The following SLC3A1 variants were observed in gnomAD, a reference collection of about 807,000 sequenced individuals.
The protein encoded by SLC3A1 is amino acid transporter heavy chain SLC3A1.
In SLC3A1, 78 loss-of-function variants were observed where a neutral mutation model predicts 60.3. The ratio of observed to expected loss-of-function variants is 1.29; its 90% confidence interval spans 1.08 to 1.56. The LOEUF (loss-of-function observed/expected upper bound fraction) is 1.56. Among genes scored for constraint, SLC3A1 ranks in the 40% most tolerant of loss-of-function variants. The pLI is 0.00. For missense variants in SLC3A1, 1,172 were observed against 858.9 expected (o/e 1.36, Z -4.56); for synonymous variants, 392 against 307.9 (o/e 1.27, Z -2.86).
At chr2:44,315,466 T>C (rs186392474) in intron 9 of SLC3A1, among the ~76,000 whole-genome samples, 3 of 145,926 alleles carry the variant, frequency 2.1e-5, no homozygotes, top group Non-Finnish European at 4.5e-5. Context: ...CTAGGCAATA[T>C]AGTGAGACCT....
chr2:44,321,399 CT>C lies in SLC3A1; in HGVS notation c.*761del. 1 of 1,612,926 alleles carries C rather than the reference CT, an allele frequency of 6.2e-7. No individual in the cohort carries two copies. The highest frequency in any genetic ancestry group is 1.7e-5 in the Admixed American group (1 of 59,974). On this transcript the variant is annotated 3_prime_UTR_variant, in exon 10 of 10. Transcript: ENST00000260649. ...CTTAAGATCCTCGAAAACACTGGTG[CT>C]GTCAAGTCCAAGTTCCTCGTACAGG...
chr2:44,320,379 G>A lies in SLC3A1; in HGVS notation c.1798G>A (p.Gly600Arg). The change falls in exon 10 of 10, where the codon GGA (glycine) becomes AGA (arginine). Residue 600 changes from glycine (G) to arginine (R), a missense_variant. Physicochemically the swap from Gly to Arg is moderately radical, Grantham distance 125 (BLOSUM62 -2). Transcript: ENST00000260649. The stretch of plus-strand genomic sequence containing the variant: ...AATCTTTATCGTGGTTCTGAATTTT[G>A]GAGAATCAACACTGTTAAATCTACA... ...DRIFIVVLNF[G>R]ESTLLNLHNM... 6.2e-7 allele frequency: 1 copy of A among 1,614,066 alleles called. No individual in the cohort carries two copies.
chr2:44,300,185 A>C, intron 5 of SLC3A1, 95 bp downstream of exon 5: 1 of 1,313,340 alleles, frequency 7.6e-7, no homozygotes. Context: ...TACAAAGATG[A>C]GTTTTGTCCT....
chr2:44,275,900 C>T lies in SLC3A1; in HGVS notation c.365C>T (p.Pro122Leu), dbSNP rs767805074. Reference protein sequence around the residue: ...PKCLDWWQEGPMYQIYPRSFK... With the variant: ...PKCLDWWQEGLMYQIYPRSFK... ...TGCCTAGACTGGTGGCAGGAGGGGC[C>T]CATGTACCAGATCTACCCAAGGTCT... Residue 122 changes from proline (P) to leucine (L), a missense_variant, in exon 1 of 10, where the codon CCC (proline) becomes CTC (leucine). Physicochemically the swap from Pro to Leu is moderately conservative, Grantham distance 98. Transcript: ENST00000260649. 3.1e-6 allele frequency: 5 copies of T among 1,614,118 alleles called. No individual in the cohort carries two copies. Among genetic ancestry groups the T allele is most frequent in the East Asian group, 4.5e-5 (2 of 44,874 alleles).
intron 3 of SLC3A1, 56 bp from the exon 4 acceptor site, chr2:44,285,976 T>C: frequency 2.5e-6 from 4 of 1,606,998 alleles, no homozygotes; most frequent in Non-Finnish European, 2.6e-6. Flanking sequence ...CAATGATCTT[T>C]ATTTGTGGGC....
intron 4 of SLC3A1, among the ~76,000 whole-genome samples, chr2:44,298,958 A>AT (rs527690419): frequency 6.6e-6 from 1 of 151,046 alleles, no homozygotes; most frequent in African/African-American, 2.4e-5. Context: ...GAGAACCTGG[A>AT]TTTTTAGCTT....
chr2:44,276,070 T>A, intron 1 of SLC3A1, 105 bp downstream of exon 1: 1 of 1,009,252 alleles, frequency 9.9e-7, no homozygotes. Context: ...GTAAGCACAT[T>A]CCATTATGAC....
Position 44,286,079 on chromosome 2 carries a change from C to G in SLC3A1, c.813C>G (p.Asn271Lys). ...NSSWHFDEVR[N>K]QCYFHQFMKE... is the part of the protein sequence containing the mutation. Reference sequence around the variant, plus strand: ...GTTGGCACTTTGACGAAGTGCGAAACCAATGTTATTTTCATCAGTTTATGA... The same window carrying G: ...GTTGGCACTTTGACGAAGTGCGAAAGCAATGTTATTTTCATCAGTTTATGA... The change falls in exon 4 of 10, where the codon AAC (asparagine) becomes AAG (lysine). Residue 271 changes from asparagine (N) to lysine (K), a missense_variant. Asn to Lys is a moderately conservative substitution (Grantham distance 94). Coordinates refer to ENST00000260649, the MANE Select transcript of SLC3A1 (RefSeq NM_000341.4). 6.2e-7 allele frequency: 1 copy of G among 1,613,910 alleles called. No homozygotes were observed.
At chr2:44,278,233 A>G (rs1445815131) in intron 1 of SLC3A1, among the ~76,000 whole-genome samples, 1 of 151,982 alleles carries the variant, frequency 6.6e-6, no homozygotes, top group Non-Finnish European at 1.5e-5. Context: ...TCACGAGGTC[A>G]GGAGATTGAG....
chr2:44,293,093 A>G (rs1000484730), intron 4 of SLC3A1, among the ~76,000 whole-genome samples: 1 of 152,098 alleles, frequency 6.6e-6, no homozygotes, highest in African/African-American at 2.4e-5. Flanking sequence ...CCCAGGTTTC[A>G]GATTTGAATA....
chr2:44,307,509 G>T (rs1332252747), intron 7 of SLC3A1, among the ~76,000 whole-genome samples: 1 of 150,914 alleles, frequency 6.6e-6, no homozygotes, highest in Non-Finnish European at 1.5e-5. Flanking sequence ...CCTTGTGATG[G>T]TCTGCCTTTC....
intron 9 of SLC3A1, among the ~76,000 whole-genome samples, chr2:44,316,916 G>A (rs1276456454): frequency 6.6e-6 from 1 of 151,854 alleles, no homozygotes; most frequent in African/African-American, 2.4e-5. Flanking sequence ...ATGTATTAAA[G>A]AAGGAAAAGG....
intron 4 of SLC3A1, among the ~76,000 whole-genome samples, chr2:44,291,749 C>T (rs1671743503): frequency 6.6e-6 from 1 of 152,154 alleles, no homozygotes; most frequent in Non-Finnish European, 1.5e-5. Flanking sequence ...GACTTGCTTG[C>T]ATACCAACTT....
chr2:44,286,544 TGCG>T (rs1671616864), intron 4 of SLC3A1, among the ~76,000 whole-genome samples: 1 of 106,298 alleles, frequency 9.4e-6, no homozygotes. Flanking sequence ...CGGTGAGCTG[TGCG>T]GTGCCTGTGA....
intron 5 of SLC3A1, among the ~76,000 whole-genome samples, chr2:44,300,733 G>A (rs1005524285): frequency 2.0e-4 from 31 of 152,030 alleles, no homozygotes; most frequent in African/African-American, 6.0e-4. Context: ...TGACAATTAC[G>A]TGTTGAGAAC....
chr2:44,320,831 C>G lies in SLC3A1; in HGVS notation c.*192C>G. On this transcript the variant is annotated 3_prime_UTR_variant, in exon 10 of 10. Coordinates refer to ENST00000260649, the MANE Select transcript of SLC3A1 (RefSeq NM_000341.4). ...TAAAATGTTTAAAAGTAAATTATGG[C>G]TTATAGGAGCTTATAACTTTATTCA... 3.3e-6 allele frequency: 2 copies of G among 602,000 alleles called. No individual in the cohort carries two copies. The highest frequency in any genetic ancestry group is 3.9e-5 in the South Asian group (2 of 51,056). 37.3% of individuals were successfully genotyped at this position (602,000 alleles called of 1,614,324 possible). A position where few individuals can be genotyped will look rare whatever the true frequency, so the allele number is the denominator to read the frequency against.
intron 6 of SLC3A1, chr2:44,303,825 G>A (rs888366698): frequency 9.9e-6 from 5 of 507,562 alleles, no homozygotes; most frequent in Non-Finnish European, 1.8e-5. Context: ...GTGAGAACAT[G>A]CGGTGTTTGG....
Position 44,275,788 on chromosome 2 carries a change from C to T in SLC3A1, c.253C>T (p.Pro85Ser), listed in dbSNP as rs200159273. The change falls in exon 1 of 10, where the codon CCT becomes TCT. Residue 85 changes from proline (P) to serine (S), a missense_variant. Coordinates refer to ENST00000260649, the MANE Select transcript of SLC3A1 (RefSeq NM_000341.4). Reference sequence around the variant, plus strand: ...CTCTGGCCAGGCCCGCTACCGCATACCTCGGGAGATCCTCTTCTGGCTCAC... The same window carrying T: ...CTCTGGCCAGGCCCGCTACCGCATATCTCGGGAGATCCTCTTCTGGCTCAC... ...QFSGQARYRI[P>S]REILFWLTVA... is the part of the protein sequence containing the mutation. The T allele has an allele frequency of 6.8e-6, 11 of 1,614,254 alleles. No homozygotes were observed. In the Admixed American group the frequency reaches 1.8e-4, roughly 27 times the overall value.
In SLC3A1 at chr2:44,321,022, G is replaced by T; in HGVS notation, c.*383G>T. 2.6e-6 allele frequency: 1 copy of T among 385,370 alleles called. No homozygotes were observed. The highest frequency in any genetic ancestry group is 4.8e-6 in the Non-Finnish European group (1 of 210,398). The allele number at this position is 385,370 out of a possible 1,614,324, so 23.9% of individuals were successfully genotyped here. Reference sequence around the variant, plus strand: ...TCTAAAAGCATTTGCTAGCAAAGAGGCAGGACACTAATTTGTAAACTGCTC... The same window carrying T: ...TCTAAAAGCATTTGCTAGCAAAGAGTCAGGACACTAATTTGTAAACTGCTC... On this transcript the variant is annotated 3_prime_UTR_variant, in exon 10 of 10. Coordinates refer to ENST00000260649, the MANE Select transcript of SLC3A1 (RefSeq NM_000341.4).
Sources: gnomAD v4.1 joint callset for allele counts (sites outside exome capture counted in the v4.1 genomes callset) on GRCh38, gnomAD v4.1.1 for gene constraint, MANE v1.5 for transcripts, NCBI Gene and HGNC (gene_info 2026-07-23, HGNC 2026-07-21) for gene names.